The following GRM3 variants were observed in gnomAD, a reference collection of about 807,000 sequenced individuals.
GRM3 encodes the protein glutamate metabotropic receptor 3, also known as metabotropic glutamate receptor 3.
A neutral mutation model predicts 70.5 loss-of-function variants in GRM3; 26 were observed. The observed-to-expected ratio is 0.37, with a 90% confidence interval of 0.27 to 0.51. The LOEUF (loss-of-function observed/expected upper bound fraction) is 0.51, where lower values mean the gene tolerates loss of function less well. GRM3 is among the 20% of genes least tolerant of loss of function. The probability of loss-of-function intolerance (pLI) is 0.93; values close to 1 mark genes in which losing one functional copy is unlikely to be tolerated. For missense variants in GRM3, 859 were observed against 1,123.8 expected (o/e 0.76, Z 3.37); for synonymous variants, 443 against 434.9 (o/e 1.02, Z -0.23).
At chr7:86,807,535 G>C (rs1282306309) in intron 3 of GRM3, among the ~76,000 whole-genome samples, 3 of 151,470 alleles carry the variant, frequency 2.0e-5, no homozygotes, top group Non-Finnish European at 4.4e-5. Flanking sequence ...CTCATGATTT[G>C]GCTCTCTGTT....
chr7:86,804,992 T>C (rs554037195), intron 3 of GRM3, among the ~76,000 whole-genome samples: 1 of 152,232 alleles, frequency 6.6e-6, no homozygotes, highest in Admixed American at 6.5e-5. Context: ...AGCATGCCTG[T>C]AGTCCCAGCT....
intron 1 of GRM3, among the ~76,000 whole-genome samples, chr7:86,691,003 A>G (rs1253956540): frequency 1.3e-5 from 2 of 152,154 alleles, no homozygotes; most frequent in African/African-American, 2.4e-5. Context: ...TAACATAGCC[A>G]AAACAGATCT....
chr7:86,780,819 A>C (rs1051003909), intron 2 of GRM3, among the ~76,000 whole-genome samples: 23 of 152,224 alleles, frequency 1.5e-4, no homozygotes, highest in African/African-American at 5.5e-4. Context: ...GCACAGACTG[A>C]CAAATGAAAA....
chr7:86,732,423 G>T (rs1795755493), intron 1 of GRM3, among the ~76,000 whole-genome samples: 1 of 129,062 alleles, frequency 7.7e-6, no homozygotes, highest in African/African-American at 3.6e-5. Context: ...CCTGGCTATA[G>T]AGGCAGTTGT....
At chr7:86,826,627 C>A (rs970581357) in intron 3 of GRM3, among the ~76,000 whole-genome samples, 2 of 152,100 alleles carry the variant, frequency 1.3e-5, no homozygotes, top group African/African-American at 4.8e-5. Flanking sequence ...AATATGGTGA[C>A]ACCATAAGGA....
chr7:86,745,905 G>A (rs1330140565), intron 1 of GRM3, among the ~76,000 whole-genome samples: 1 of 152,044 alleles, frequency 6.6e-6, no homozygotes, highest in Admixed American at 6.6e-5. Context: ...TGTATCTTGA[G>A]TGTCTGGCAT....
chr7:86,828,261 CACA>C lies in GRM3; in HGVS notation c.1325-10575_1325-10573del, dbSNP rs1380833701. 2.6e-5 allele frequency among the ~76,000 whole-genome samples: 4 copies of C among 151,362 alleles called. No homozygotes were observed. In the South Asian group the frequency reaches 6.3e-4, roughly 24 times the overall value. ...AATGCAAATTAACTACCAAAAAAATCACAACGAGATACCGGTACATTTTCACTC... is the reference window on the plus strand; with the variant it reads ...AATGCAAATTAACTACCAAAAAAATCACGAGATACCGGTACATTTTCACTC... On this transcript the variant is annotated intron_variant, in intron 3 of 5. Coordinates refer to ENST00000361669, the MANE Select transcript of GRM3 (RefSeq NM_000840.3).
chr7:86,812,006 A>T (rs918775468), intron 3 of GRM3, among the ~76,000 whole-genome samples: 2 of 151,668 alleles, frequency 1.3e-5, no homozygotes, highest in African/African-American at 2.4e-5. Flanking sequence ...GTACTTACAG[A>T]CTGTACACTC....
chr7:86,795,320 GT>G (rs1797524672), intron 3 of GRM3, among the ~76,000 whole-genome samples: 1 of 93,414 alleles, frequency 1.1e-5, no homozygotes, highest in African/African-American at 3.7e-5. Flanking sequence ...TTTATTTTAT[GT>G]TCCAGGATAC....
intron 1 of GRM3, among the ~76,000 whole-genome samples, chr7:86,722,412 C>T (rs1161903608): frequency 3.3e-5 from 5 of 152,170 alleles, no homozygotes; most frequent in African/African-American, 9.6e-5. Context: ...CCATGGAATA[C>T]TATGCAGCCA....
At chr7:86,655,844 G>T (rs28609238) in intron 1 of GRM3, among the ~76,000 whole-genome samples, 3,005 of 137,824 alleles carry the variant, frequency 0.022, 35 homozygotes, top group Middle Eastern at 0.045. Context: ...GTGTGTGTGT[G>T]TGTGTGTGGG....
chr7:86,774,742 G>A lies in GRM3; in HGVS notation c.468+9129G>A, dbSNP rs568583832. The stretch of plus-strand genomic sequence containing the variant: ...TCCCAGGCACAGTGCCTCCAATTTC[G>A]GTAGATACCATAAGGTTCACAAATG... On this transcript the variant is annotated intron_variant, in intron 2 of 5. Transcript: ENST00000361669. Among the ~76,000 whole-genome samples, 135 of 152,100 alleles carry A rather than the reference G, an allele frequency of 8.9e-4. 1 individual carries two copies. Among genetic ancestry groups the A allele is most frequent in the African/African-American group, 2.7e-3 (111 of 41,502 alleles).
At chr7:86,753,674 G>T (rs750369743) in intron 1 of GRM3, among the ~76,000 whole-genome samples, 1 of 152,008 alleles carries the variant, frequency 6.6e-6, no homozygotes, top group Non-Finnish European at 1.5e-5. Context: ...GTGAAAATTT[G>T]ATCTGCAGTT....
chr7:86,684,541 A>T (rs73211617), intron 1 of GRM3, among the ~76,000 whole-genome samples: 1 of 152,302 alleles, frequency 6.6e-6, no homozygotes, highest in Non-Finnish European at 1.5e-5. Context: ...CTATATAACT[A>T]GTAATCTTCC....
intron 3 of GRM3, among the ~76,000 whole-genome samples, chr7:86,811,890 T>G (rs1240055424): frequency 6.6e-6 from 1 of 151,668 alleles, no homozygotes; most frequent in Non-Finnish European, 1.5e-5. Context: ...AAAGCTAGTG[T>G]GATATTTCTA....
chr7:86,821,843 C>T (rs1020962146), intron 3 of GRM3, among the ~76,000 whole-genome samples: 1 of 152,072 alleles, frequency 6.6e-6, no homozygotes, highest in Non-Finnish European at 1.5e-5. Flanking sequence ...ACAAGAAAAT[C>T]AAATTTAAAA....
Position 86,786,223 on chromosome 7 carries a change from G to A in GRM3, c.469-38G>A, listed in dbSNP as rs200095712. On this transcript the variant is annotated intron_variant, in intron 2 of 5. Coordinates refer to ENST00000361669, the MANE Select transcript of GRM3 (RefSeq NM_000840.3). The surrounding 1 kb of genome is among the most constrained non-coding windows in gnomAD (Gnocchi z 6.0). ...ATTTTCATGTCCAGTCATCTACCTC[G>A]GGGTTTCTAACAAAGGTCCTTCTTC... is the stretch of plus-strand genomic sequence containing the variant. 5.7e-6 allele frequency: 9 copies of A among 1,568,640 alleles called. No homozygotes were observed. The highest frequency in any genetic ancestry group is 7.8e-6 in the Non-Finnish European group (9 of 1,153,938).
At chr7:86,794,519 C>T (rs566906164) in intron 3 of GRM3, among the ~76,000 whole-genome samples, 3 of 152,160 alleles carry the variant, frequency 2.0e-5, no homozygotes, top group African/African-American at 4.8e-5. Context: ...GAGCATACAT[C>T]CTAAAGATTA....
At chr7:86,768,545 C>T (rs148141785) in intron 2 of GRM3, among the ~76,000 whole-genome samples, 18 of 152,242 alleles carry the variant, frequency 1.2e-4, no homozygotes, top group African/African-American at 3.9e-4. Flanking sequence ...ATGTAGCTCA[C>T]AAAGTAAGAA....
Sources: gnomAD v4.1 joint callset for allele counts (sites outside exome capture counted in the v4.1 genomes callset) on GRCh38, gnomAD v4.1.1 for gene constraint, Gnocchi (gnomAD v3.1) non-coding constraint, MANE v1.5 for transcripts, NCBI Gene and HGNC (gene_info 2026-07-23, HGNC 2026-07-21) for gene names.